Variants in ZC2HC1A observed in about 807,000 individuals in gnomAD.
The protein encoded by ZC2HC1A is zinc finger C2HC-type containing 1A.
In ZC2HC1A, 28 loss-of-function variants were observed where a neutral mutation model predicts 40.7. That is an observed-to-expected ratio of 0.69 (90% confidence interval 0.51 to 0.94). The LOEUF (loss-of-function observed/expected upper bound fraction) is 0.94. Among genes scored for constraint, ZC2HC1A ranks in the 40% least tolerant of loss-of-function variants. The pLI, the probability that ZC2HC1A is intolerant of heterozygous loss-of-function variation, is 0.00. For missense variants in ZC2HC1A, 389 were observed against 386.3 expected, an observed-to-expected ratio of 1.01 and a Z score of -0.06; for synonymous variants, 129 against 129.2, an observed-to-expected ratio of 1.00 and a Z score of 0.01.
At chr8:78,691,581 T>C (rs1217629570) in intron 5 of ZC2HC1A, among the ~76,000 whole-genome samples, 1 of 152,152 alleles carries the variant, frequency 6.6e-6, no homozygotes, top group African/African-American at 2.4e-5. Flanking sequence ...GGTGCAATTA[T>C]TGATTTGCTT....
intron 3 of ZC2HC1A, among the ~76,000 whole-genome samples, chr8:78,679,883 T>C (rs896472712): frequency 1.3e-5 from 2 of 152,172 alleles, no homozygotes; most frequent in African/African-American, 2.4e-5. Flanking sequence ...TAAATCAATA[T>C]ATGACGTTTT....
chr8:78,713,523 G>T (rs1025933606), intron 7 of ZC2HC1A, among the ~76,000 whole-genome samples: 12 of 151,356 alleles, frequency 7.9e-5, no homozygotes, highest in Non-Finnish European at 1.8e-4. Context: ...ATTTCCTAAA[G>T]ATTGAATTTC....
chr8:78,683,122 T>C (rs1220212703), intron 3 of ZC2HC1A, among the ~76,000 whole-genome samples: 1 of 152,322 alleles, frequency 6.6e-6, no homozygotes, highest in Non-Finnish European at 1.5e-5. Context: ...GCATTGAGTG[T>C]CTGCAACTTT....
rs1236475421 is a variant in ZC2HC1A, at chr8:78,675,860, A to G, written c.90A>G (p.Ala30=). Reference sequence around the variant, plus strand: ...GTGGAAGAACATTCTTTCCAGTAGCATTAGTGAGTAGACTGATTTTGTACC... The same window carrying G: ...GTGGAAGAACATTCTTTCCAGTAGCGTTAGTGAGTAGACTGATTTTGTACC... ...KICGRTFFPV[A]LKKHGPICQK... The change falls in exon 2 of 9, where the codon GCA becomes GCG. Residue 30 remains alanine, a synonymous_variant. Coordinates refer to ENST00000263849, the MANE Select transcript of ZC2HC1A (RefSeq NM_016010.3). 1.9e-6 allele frequency: 3 copies of G among 1,609,886 alleles called. No homozygotes were observed. The highest frequency in any genetic ancestry group is 2.2e-5 in the East Asian group (1 of 44,616).
At chr8:78,681,100 A>G (rs565794792) in intron 3 of ZC2HC1A, among the ~76,000 whole-genome samples, 1 of 151,234 alleles carries the variant, frequency 6.6e-6, no homozygotes, top group Non-Finnish European at 1.5e-5. Context: ...AGTGGTTCTC[A>G]TAGGATCTGA....
At chr8:78,711,908 C>A in intron 7 of ZC2HC1A, 1 of 814,024 alleles carries the variant, frequency 1.2e-6, no homozygotes, top group Non-Finnish European at 1.8e-6. Flanking sequence ...TCTGATGAAC[C>A]AGAATAATGT....
chr8:78,666,764 C>A (rs986935709), intron 1 of ZC2HC1A, among the ~76,000 whole-genome samples: 1 of 152,174 alleles, frequency 6.6e-6, no homozygotes, highest in African/African-American at 2.4e-5. Flanking sequence ...GACTTATTCA[C>A]GGCCGCTGTG....
Position 78,689,321 on chromosome 8 carries a change from A to C in ZC2HC1A, c.452A>C (p.Lys151Thr). Residue 151 changes from lysine to threonine, a missense_variant, in exon 5 of 9, where the codon AAA becomes ACA. By Grantham distance (78) the Lys-to-Thr change is moderately conservative (BLOSUM62 -1). Transcript: ENST00000263849. ...GAACAGGCAGCACGTATTAGTAATA[A>C]AGGGAAATTTTCTACAGATACCAAA... ...CKEQAARISNKGKFSTDTKGK... is the reference protein window; with the variant it reads ...CKEQAARISNTGKFSTDTKGK... The C allele has an allele frequency of 6.2e-7, 1 of 1,605,112 alleles. No individual in the cohort carries two copies. The highest frequency in any genetic ancestry group is 8.5e-7 in the Non-Finnish European group (1 of 1,175,880).
At position 78,718,500 on chromosome 8, in the gene ZC2HC1A, A is replaced by T. The variant is rs1443782841; in HGVS notation, c.*1007A>T. On this transcript the variant is annotated 3_prime_UTR_variant, in exon 9 of 9. Coordinates refer to ENST00000263849, the MANE Select transcript of ZC2HC1A (RefSeq NM_016010.3). Reference sequence around the variant, plus strand: ...GAGCATGCAGATAAAAAATATTTGAATTTTTTTTTCTTGGAAGTACATGTA... The same window carrying T: ...GAGCATGCAGATAAAAAATATTTGATTTTTTTTTTCTTGGAAGTACATGTA... 2 of 151,342 alleles carry T rather than the reference A, an allele frequency of 1.3e-5. No homozygotes were observed. The highest frequency in any genetic ancestry group is 2.4e-5 in the African/African-American group (1 of 41,266). The allele number at this position is 151,342 out of a possible 1,614,324, so 9.4% of individuals were successfully genotyped here.
In ZC2HC1A at chr8:78,686,453, TTATTTATTTA is replaced by T. The variant is rs1809976200; in HGVS notation, c.211-11_211-2del. 7.4e-7 allele frequency: 1 copy of T among 1,359,194 alleles called. No homozygotes were observed. Among genetic ancestry groups the T allele is most frequent in the East Asian group, 2.8e-5 (1 of 36,168 alleles). 84.2% of individuals were successfully genotyped at this position (1,359,194 alleles called of 1,614,324 possible). A position where few individuals can be genotyped will look rare whatever the true frequency, so the allele number is the denominator to read the frequency against. On this transcript the variant is annotated splice_region_variant and splice_polypyrimidine_tract_variant and intron_variant, in intron 3 of 8. Coordinates refer to ENST00000263849, the MANE Select transcript of ZC2HC1A (RefSeq NM_016010.3). ...TTTGTTTATTTATTTATTTATTTAT[TTATTTATTTA>T]TAGCCAGAACCACCAAAGAAACCAT...
chr8:78,686,113 G>A (rs1809961421), intron 3 of ZC2HC1A, among the ~76,000 whole-genome samples: 1 of 152,120 alleles, frequency 6.6e-6, no homozygotes, highest in Admixed American at 6.6e-5. Context: ...TCACCTTTCA[G>A]ATGTCCCCAC....
intron 7 of ZC2HC1A, among the ~76,000 whole-genome samples, 166 bp downstream of exon 7, chr8:78,698,679 T>C (rs1810510212): frequency 6.6e-6 from 1 of 152,202 alleles, no homozygotes. Context: ...GTATCTAAAT[T>C]TGTATAACCA....
At chr8:78,687,849 T>A (rs10097113) in intron 4 of ZC2HC1A, among the ~76,000 whole-genome samples, 3 of 88,040 alleles carry the variant, frequency 3.4e-5, no homozygotes, top group East Asian at 3.4e-4. Flanking sequence ...ATATATATAT[T>A]TATATAATAT....
At chr8:78,707,566 C>T (rs1023603866) in intron 7 of ZC2HC1A, among the ~76,000 whole-genome samples, 4 of 152,132 alleles carry the variant, frequency 2.6e-5, no homozygotes, top group Admixed American at 1.3e-4. Context: ...ATTTTGAGTA[C>T]AATAATTTTG....
intron 5 of ZC2HC1A, among the ~76,000 whole-genome samples, chr8:78,696,547 G>A (rs1408150789): frequency 1.3e-5 from 2 of 152,010 alleles, no homozygotes; most frequent in Admixed American, 1.3e-4. Context: ...TTTATTGTCA[G>A]GTAACTGAGC....
intron 7 of ZC2HC1A, among the ~76,000 whole-genome samples, chr8:78,706,816 A>C (rs1398315297): frequency 6.6e-6 from 1 of 152,122 alleles, no homozygotes; most frequent in South Asian, 2.1e-4. Flanking sequence ...TTTGCTTCTC[A>C]ATTCAGACTA....
At chr8:78,707,154 TGGCCTCCA>T (rs1438007068) in intron 7 of ZC2HC1A, among the ~76,000 whole-genome samples, 1 of 152,212 alleles carries the variant, frequency 6.6e-6, no homozygotes. Context: ...CACAGAGAAT[TGGCCTCCA>T]TGTTAGGTAA....
At chr8:78,689,966 G>T (rs759313688) in intron 5 of ZC2HC1A, among the ~76,000 whole-genome samples, 32 of 151,994 alleles carry the variant, frequency 2.1e-4, no homozygotes, top group Non-Finnish European at 3.4e-4. Context: ...CTTCAGGCTG[G>T]TATTTGTGTA....
intron 3 of ZC2HC1A, among the ~76,000 whole-genome samples, chr8:78,680,286 CAAAAAAAAAAAAAAAA>C (rs3070855): frequency 1.1e-5 from 1 of 88,148 alleles, no homozygotes; most frequent in Non-Finnish European, 2.2e-5. Context: ...GACTCCGTCT[CAAAAAAAAAAAAAAAA>C]AAAAAAAAAA....
Sources: gnomAD v4.1 joint callset for allele counts (sites outside exome capture counted in the v4.1 genomes callset) on GRCh38, gnomAD v4.1.1 for gene constraint, MANE v1.5 for transcripts, NCBI Gene and HGNC (gene_info 2026-07-23, HGNC 2026-07-21) for gene names.